The following LIN9 variants were observed in gnomAD, a reference collection of about 807,000 sequenced individuals.
The protein encoded by LIN9 is protein lin-9 homolog.
In LIN9, 18 loss-of-function variants were observed where a neutral mutation model predicts 78.0. The ratio of observed to expected loss-of-function variants is 0.23; its 90% CI spans 0.16 to 0.34. The LOEUF (loss-of-function observed/expected upper bound fraction) is 0.34, where lower values mean the gene tolerates loss of function less well. Among genes scored for constraint, LIN9 ranks in the 10% least tolerant of loss-of-function variants. The pLI, the probability that LIN9 is intolerant of heterozygous loss-of-function variation, is 1.00. For missense variants in LIN9, 451 were observed against 644.1 expected (o/e 0.70, Z 3.25); for synonymous variants, 192 against 215.2 (o/e 0.89, Z 0.94).
At chr1:226,277,675 G>T in intron 7 of LIN9, 100 bp downstream of exon 7, 1 of 1,030,528 alleles carries the variant, frequency 9.7e-7, no homozygotes, top group Non-Finnish European at 1.4e-6. Flanking sequence ...AATATTTCTT[G>T]GTAATTAAAA....
intron 12 of LIN9, among the ~76,000 whole-genome samples, chr1:226,237,871 T>C (rs1276697611): frequency 6.6e-6 from 1 of 150,758 alleles, no homozygotes; most frequent in East Asian, 2.0e-4. Flanking sequence ...GAGAATTGCT[T>C]GAACCTGGGA....
At position 226,286,461 on chromosome 1, in the gene LIN9, G is replaced by A; in HGVS notation, c.399-3C>T. On this transcript the variant is annotated splice_polypyrimidine_tract_variant and splice_region_variant and intron_variant, in intron 5 of 14. Transcript: ENST00000681046. ...CATTATCACCTTCAAAAAGTGGTCTGTAAAACAGATATAGTATTTTAATGG... is the reference window on the plus strand; with the variant it reads ...CATTATCACCTTCAAAAAGTGGTCTATAAAACAGATATAGTATTTTAATGG... 1 of 1,555,282 alleles carries A rather than the reference G, an allele frequency of 6.4e-7. No homozygotes were observed. The highest frequency in any genetic ancestry group is 1.4e-5 in the African/African-American group (1 of 72,590).
intron 7 of LIN9, among the ~76,000 whole-genome samples, chr1:226,274,619 G>A (rs930344317): frequency 6.6e-6 from 1 of 150,886 alleles, no homozygotes; most frequent in Non-Finnish European, 1.5e-5. Context: ...TTACACATAT[G>A]TTATCTTGCT....
rs1657396825 is a variant in LIN9, at chr1:226,232,458, TC to T, written c.*42del. On this transcript the variant is annotated 3_prime_UTR_variant, in exon 15 of 15. Coordinates refer to ENST00000681046, the MANE Select transcript of LIN9 (RefSeq NM_001366245.2). ...AGCCTATATAAAGGAAAAGAACTTC[TC>T]AAAAACAATGTCCCGTGCAGTTGGA... 7.5e-7 allele frequency: 1 copy of T among 1,330,592 alleles called. No homozygotes were observed. Among genetic ancestry groups the T allele is most frequent in the Admixed American group, 1.9e-5 (1 of 53,152 alleles). The allele number at this position is 1,330,592 out of a possible 1,614,324, so 82.4% of individuals were successfully genotyped here. A position where few individuals can be genotyped will look rare whatever the true frequency, so the allele number is the denominator to read the frequency against.
chr1:226,308,966 G>A (rs902963441), intron 1 of LIN9, 143 bp downstream of exon 1: 2 of 745,612 alleles, frequency 2.7e-6, no homozygotes, highest in Non-Finnish European at 3.7e-6. Context: ...GGCAACACCG[G>A]AGTGGGAGGA....
intron 10 of LIN9, among the ~76,000 whole-genome samples, chr1:226,261,936 G>A (rs1046120384): frequency 1.3e-5 from 2 of 152,136 alleles, no homozygotes; most frequent in African/African-American, 2.4e-5. Context: ...ATAGATCAAT[G>A]GAACAGAATA....
chr1:226,309,593 C>T (rs1235920988), upstream of LIN9: 2 of 1,231,650 alleles, frequency 1.6e-6, no homozygotes, highest in African/African-American at 1.6e-5. Flanking sequence ...GTCGCATTGC[C>T]CGAGGGGGCT....
At chr1:226,283,486 A>T (rs1457565083) in intron 6 of LIN9, among the ~76,000 whole-genome samples, 1 of 151,730 alleles carries the variant, frequency 6.6e-6, no homozygotes, top group African/African-American at 2.4e-5. Flanking sequence ...TATTGATAGG[A>T]GTTCTTTATA....
rs761595325 is a variant in LIN9, at chr1:226,297,763, T to A, written c.115A>T (p.Thr39Ser). ...WNEKYSSLQK[T>S]PVWKGRNTSS... ...GTATTCCTGCCTTTCCAAACAGGTG[T>A]TTTCTGTAAAGAACTGTACTTTTCA... The change falls in exon 3 of 15, where the codon ACA (threonine) becomes TCA (serine). Residue 39 changes from threonine (T) to serine (S), a missense_variant. Transcript: ENST00000681046. 1 of 1,596,612 alleles carries A rather than the reference T, an allele frequency of 6.3e-7. No individual in the cohort carries two copies. Among genetic ancestry groups the A allele is most frequent in the Admixed American group, 1.8e-5 (1 of 56,198 alleles).
At chr1:226,242,880 AAT>A (rs1318285308) in intron 11 of LIN9, among the ~76,000 whole-genome samples, 3 of 138,266 alleles carry the variant, frequency 2.2e-5, no homozygotes, top group African/African-American at 8.3e-5. Flanking sequence ...ATGAATAATG[AAT>A]ATGTTTTCTT....
chr1:226,269,801 G>A (rs1206373997), intron 7 of LIN9, among the ~76,000 whole-genome samples: 2 of 152,118 alleles, frequency 1.3e-5, no homozygotes. Context: ...AGCTAAGGAT[G>A]ACTTGAAAAC....
In LIN9 at chr1:226,232,016, C is replaced by T. The variant is rs1657369752; in HGVS notation, c.*485G>A. ...TTCCTTAAAACTAGGACTTCCCACACCTCATGATGTTATCTTTTGAAGACT... is the reference window on the plus strand; with the variant it reads ...TTCCTTAAAACTAGGACTTCCCACATCTCATGATGTTATCTTTTGAAGACT... On this transcript the variant is annotated 3_prime_UTR_variant, in exon 15 of 15. Transcript: ENST00000681046. 1.0e-5 allele frequency: 4 copies of T among 397,798 alleles called. No homozygotes were observed. The highest frequency in any genetic ancestry group is 3.6e-5 in the East Asian group (1 of 28,020). 24.6% of individuals were successfully genotyped at this position (397,798 alleles called of 1,614,324 possible). A position where few individuals can be genotyped will look rare whatever the true frequency, so the allele number is the denominator to read the frequency against.
intron 7 of LIN9, among the ~76,000 whole-genome samples, chr1:226,276,835 G>C (rs1660694286): frequency 6.6e-6 from 1 of 152,034 alleles, no homozygotes; most frequent in South Asian, 2.1e-4. Flanking sequence ...CTCTCCATGA[G>C]TACACAGAAT....
chr1:226,285,445 C>T (rs1483840161), intron 6 of LIN9, among the ~76,000 whole-genome samples: 1 of 152,134 alleles, frequency 6.6e-6, no homozygotes, highest in Non-Finnish European at 1.5e-5. Context: ...ATCATTAAAT[C>T]TAAATTCCAT....
chr1:226,274,738 C>T (rs1660527267), intron 7 of LIN9, among the ~76,000 whole-genome samples: 1 of 151,770 alleles, frequency 6.6e-6, no homozygotes, highest in Non-Finnish European at 1.5e-5. Flanking sequence ...GTTCACCGAC[C>T]CAGTCTTTTA....
intron 1 of LIN9, among the ~76,000 whole-genome samples, chr1:226,301,753 C>T (rs950987739): frequency 2.6e-5 from 4 of 152,192 alleles, no homozygotes; most frequent in African/African-American, 7.2e-5. Context: ...TGGAGGGGTC[C>T]ACTGGATAAA....
chr1:226,289,213 C>T (rs905521443), intron 4 of LIN9, among the ~76,000 whole-genome samples: 2 of 150,380 alleles, frequency 1.3e-5, no homozygotes, highest in Non-Finnish European at 3.0e-5. Context: ...CCAGCCTGGG[C>T]GACAGAGTGA....
At chr1:226,249,280 CA>C in intron 11 of LIN9, among the ~76,000 whole-genome samples, 1 of 152,184 alleles carries the variant, frequency 6.6e-6, no homozygotes, top group East Asian at 1.9e-4. Context: ...AGGAAAGAAG[CA>C]CGCACATACA....
intron 4 of LIN9, among the ~76,000 whole-genome samples, chr1:226,289,216 C>A (rs1661569235): frequency 6.6e-6 from 1 of 150,734 alleles, no homozygotes; most frequent in Non-Finnish European, 1.5e-5. Context: ...GCCTGGGCGA[C>A]AGAGTGAGAC....
Sources: allele counts gnomAD v4.1 joint callset (sites outside exome capture counted in the v4.1 genomes callset), GRCh38; gene constraint gnomAD v4.1.1; transcripts MANE v1.5; gene names NCBI Gene and HGNC (gene_info 2026-07-23, HGNC 2026-07-21).